INSR: variants seen among roughly 807,000 people sequenced by gnomAD.
The protein encoded by INSR is insulin receptor.
Under a neutral mutation model 142.6 loss-of-function variants are expected in INSR, and 67 were observed. That is an observed-to-expected ratio of 0.47 (90% CI 0.39 to 0.58). The LOEUF is 0.58. INSR is among the 20% of genes least tolerant of loss of function. The pLI is 0.00. For synonymous variants in INSR, 756 were observed against 743.1 expected (o/e 1.02, Z -0.28); for missense variants, 1,248 against 1,833.2 (o/e 0.68, Z 5.83).
chr19:7,293,707 C>A, intron 1 of INSR, 85 bp downstream of exon 1: 2 of 1,152,210 alleles, frequency 1.7e-6, no homozygotes, highest in South Asian at 2.8e-5. Flanking sequence ...GTTCTCAGTC[C>A]ACAAGCGGGG....
intron 2 of INSR, among the ~76,000 whole-genome samples, chr19:7,189,360 A>C (rs1040144486): frequency 2.6e-5 from 4 of 152,242 alleles, no homozygotes; most frequent in Non-Finnish European, 2.9e-5. Flanking sequence ...AGGCTGCGAG[A>C]CTTTGCAATC....
At chr19:7,184,279 C>T in intron 3 of INSR, 37 bp downstream of exon 3, 2 of 1,591,156 alleles carry the variant, frequency 1.3e-6, no homozygotes, top group Non-Finnish European at 1.7e-6. Context: ...GTTCCTTCTC[C>T]TCTCGGCTGC....
intron 13 of INSR, 78 bp from the exon 14 acceptor site, chr19:7,132,395 A>C: frequency 2.9e-4 from 439 of 1,501,198 alleles, no homozygotes; most frequent in Non-Finnish European, 3.7e-4. Context: ...CAGGGAGCTC[A>C]CAGCCAGGAT....
At chr19:7,169,575 CCA>C (rs1568461372) in intron 6 of INSR, among the ~76,000 whole-genome samples, 1 of 74,602 alleles carries the variant, frequency 1.3e-5, no homozygotes, top group South Asian at 4.5e-4. Flanking sequence ...AGACTCTGTC[CCA>C]AAAAAAAAAA....
At chr19:7,272,092 C>T (rs1327929207) in intron 1 of INSR, among the ~76,000 whole-genome samples, 1 of 152,080 alleles carries the variant, frequency 6.6e-6, no homozygotes, top group Non-Finnish European at 1.5e-5. Context: ...ATCACGAGGT[C>T]AGGAGATTGA....
intron 2 of INSR, among the ~76,000 whole-genome samples, chr19:7,238,962 C>CAAAAAAAAAA (rs71177185): frequency 5.1e-5 from 4 of 77,882 alleles, no homozygotes; most frequent in East Asian, 8.8e-4. Context: ...GATGAATTCT[C>CAAAAAAAAAA]AAAAAAAAAA....
At chr19:7,183,219 T>C (rs1000408092) in intron 3 of INSR, among the ~76,000 whole-genome samples, 30 of 152,098 alleles carry the variant, frequency 2.0e-4, no homozygotes, top group African/African-American at 7.2e-4. Context: ...GCTCAAGGCC[T>C]CTTGATGTGT....
chr19:7,201,225 A>T (rs1974944039), intron 2 of INSR, among the ~76,000 whole-genome samples: 2 of 152,192 alleles, frequency 1.3e-5, no homozygotes, highest in Admixed American at 6.5e-5. Flanking sequence ...GCAAATTCAG[A>T]GCCTCAATTT....
intron 2 of INSR, among the ~76,000 whole-genome samples, chr19:7,249,272 T>C (rs1976634108): frequency 6.6e-6 from 1 of 152,170 alleles, no homozygotes; most frequent in African/African-American, 2.4e-5. Context: ...CCATCTTCTT[T>C]ACCACCAGGA....
chr19:7,257,661 TAAGG>T (rs1024774346), intron 2 of INSR, among the ~76,000 whole-genome samples: 18 of 146,004 alleles, frequency 1.2e-4, no homozygotes, highest in Admixed American at 3.4e-4. Context: ...TCTCAAAAAG[TAAGG>T]AAGGAAGGAA....
intron 2 of INSR, among the ~76,000 whole-genome samples, chr19:7,221,751 C>T (rs1347300801): frequency 6.6e-6 from 1 of 151,934 alleles, no homozygotes; most frequent in Non-Finnish European, 1.5e-5. Flanking sequence ...ATAAAGTTTG[C>T]ATGGACTCTG....
At chr19:7,121,145 C>G (rs1407072142) in intron 19 of INSR, among the ~76,000 whole-genome samples, 1 of 151,624 alleles carries the variant, frequency 6.6e-6, no homozygotes, top group Non-Finnish European at 1.5e-5. Flanking sequence ...TTACAGCTGT[C>G]TGCCACCATG....
At chr19:7,207,050 G>A (rs1286494044) in intron 2 of INSR, among the ~76,000 whole-genome samples, 1 of 152,104 alleles carries the variant, frequency 6.6e-6, no homozygotes, top group African/African-American at 2.4e-5. Flanking sequence ...ACTCTCTGAG[G>A]CCTGTGATTA....
chr19:7,261,490 A>G (rs998774968), intron 2 of INSR, among the ~76,000 whole-genome samples: 11 of 152,120 alleles, frequency 7.2e-5, no homozygotes, highest in African/African-American at 2.4e-4. Context: ...TCATTAGCAC[A>G]TGCCATGTTT....
chr19:7,184,513 G>C lies in INSR; in HGVS notation c.777C>G (p.Tyr259Ter). 1 of 1,613,972 alleles carries C rather than the reference G, an allele frequency of 6.2e-7. No homozygotes were observed. The highest frequency in any genetic ancestry group is 8.5e-7 in the Non-Finnish European group (1 of 1,180,002). ...AGGTCTCCACACACCTGCCGTCCAG[G>C]TAGAAGTTGCGGCAGGCCACGCACT... is the stretch of plus-strand genomic sequence containing the variant. ...PTKCVACRNF[Y>*]LDGRCVETCP... is the part of the protein sequence containing the mutation. Residue 259 changes from tyrosine (Y) to a stop codon, truncating the protein, a stop_gained, in exon 3 of 22, where the codon TAC becomes TAG. Transcript: ENST00000302850. LOFTEE classifies it high-confidence loss of function.
In INSR at chr19:7,152,503, A is replaced by G. The variant is rs550461589; in HGVS notation, c.2231+223T>C. On this transcript the variant is annotated intron_variant, in intron 10 of 21. Transcript: ENST00000302850. ...GAAAGGCAAATGCTGAGTTTTGTCC[A>G]TTTTTCCCCTTTTGTGCGATTATTT... 3.3e-5 allele frequency: 20 copies of G among 602,180 alleles called. No homozygotes were observed. In the African/African-American group the frequency reaches 3.5e-4, roughly 11 times the overall value. The allele number at this position is 602,180 out of a possible 1,614,324, so 37.3% of individuals were successfully genotyped here. A position where few individuals can be genotyped will look rare whatever the true frequency, so the allele number is the denominator to read the frequency against.
At chr19:7,270,381 T>C (rs183504176) in intron 1 of INSR, among the ~76,000 whole-genome samples, 1 of 93,130 alleles carries the variant, frequency 1.1e-5, no homozygotes, top group Non-Finnish European at 2.3e-5. Flanking sequence ...ACACACACAC[T>C]GCAGGTAGAA....
intron 2 of INSR, among the ~76,000 whole-genome samples, chr19:7,191,658 C>A (rs1974592126): frequency 6.6e-6 from 1 of 151,910 alleles, no homozygotes. Context: ...CCTGTCTCTA[C>A]AAAAATAAAA....
chr19:7,267,250 CTAATGACCATT>C lies in INSR; in HGVS notation c.652+84_652+94del. On this transcript the variant is annotated intron_variant, in intron 2 of 21. Coordinates refer to ENST00000302850, the MANE Select transcript of INSR (RefSeq NM_000208.4). This position sits in a 1 kb window ranked among gnomAD's most constrained non-coding sequence, Gnocchi z 6.3. ...CCACCCACTATTCCCCGGCCCCTAC[CTAATGACCATT>C]TAACATTTTTAAGCCATAAAACATT... is the stretch of plus-strand genomic sequence containing the variant. 1 of 1,354,370 alleles carries C rather than the reference CTAATGACCATT, an allele frequency of 7.4e-7. No homozygotes were observed. Among genetic ancestry groups the C allele is most frequent in the South Asian group, 1.2e-5 (1 of 83,324 alleles). 83.9% of individuals were successfully genotyped at this position (1,354,370 alleles called of 1,614,324 possible). A position where few individuals can be genotyped will look rare whatever the true frequency, so the allele number is the denominator to read the frequency against.
Sources: allele counts gnomAD v4.1 joint callset (sites outside exome capture counted in the v4.1 genomes callset), GRCh38; gene constraint gnomAD v4.1.1; non-coding constraint Gnocchi (gnomAD v3.1); transcripts MANE v1.5; gene names NCBI Gene and HGNC (gene_info 2026-07-23, HGNC 2026-07-21).